Variants in RSRC1 observed in about 807,000 individuals in gnomAD.
RSRC1 encodes arginine and serine rich coiled-coil 1, also known as serine/Arginine-related protein 53.
Under a neutral mutation model 49.1 loss-of-function variants are expected in RSRC1, and 39 were observed. The ratio of observed to expected loss-of-function variants is 0.79; its 90% CI spans 0.61 to 1.04. The LOEUF (loss-of-function observed/expected upper bound fraction) is 1.04. Ranked by LOEUF, RSRC1 falls within the 50% of genes least tolerant of loss-of-function variation. The pLI is 0.00. For synonymous variants in RSRC1, 143 were observed against 130.8 expected (o/e 1.09, Z -0.63); for missense variants, 388 against 402.4 (o/e 0.96, Z 0.31).
rs548102794 is a variant in RSRC1, at chr3:158,505,900, T to G, written c.653-31192T>G. The stretch of plus-strand genomic sequence containing the variant: ...ATTTAACATGGCTGAAACCAAGTGA[T>G]TCATGTAGGAAAATGATGTGCACCA... On this transcript the variant is annotated intron_variant, in intron 7 of 9. Coordinates refer to ENST00000611884, the MANE Select transcript of RSRC1 (RefSeq NM_001271838.2). Among the ~76,000 whole-genome samples, 112 of 152,252 alleles carry G rather than the reference T, an allele frequency of 7.4e-4. 1 individual carries two copies. The highest frequency in any genetic ancestry group is 6.8e-3 in the Middle Eastern group (2 of 294).
intron 5 of RSRC1, among the ~76,000 whole-genome samples, chr3:158,329,498 T>A (rs574481002): frequency 2.6e-4 from 40 of 152,332 alleles, no homozygotes; most frequent in Non-Finnish European, 5.0e-4. Context: ...TTGCTGGAGG[T>A]CCACTCCAGC....
chr3:158,307,695 T>C (rs1456978155), intron 5 of RSRC1, among the ~76,000 whole-genome samples: 1 of 151,882 alleles, frequency 6.6e-6, no homozygotes, highest in African/African-American at 2.4e-5. Flanking sequence ...AATTTCATTT[T>C]TGCCCTTCCA....
intron 3 of RSRC1, among the ~76,000 whole-genome samples, chr3:158,183,361 G>A (rs1389267455): frequency 6.6e-6 from 1 of 151,086 alleles, no homozygotes; most frequent in Admixed American, 6.6e-5. Flanking sequence ...TTTTCCTTTA[G>A]TCAGTAGTAA....
At chr3:158,432,826 C>G (rs73877209) in intron 6 of RSRC1, among the ~76,000 whole-genome samples, 11,132 of 151,786 alleles carry the variant, frequency 0.073, 480 homozygotes, top group South Asian at 0.13. Context: ...TAGCCTTCAT[C>G]TTATGAATAA....
intron 5 of RSRC1, among the ~76,000 whole-genome samples, chr3:158,316,939 C>G (rs34436376): frequency 2.0e-5 from 3 of 152,024 alleles, no homozygotes; most frequent in Non-Finnish European, 4.4e-5. Context: ...TTATTTAGTG[C>G]AAATACCTTA....
intron 7 of RSRC1, among the ~76,000 whole-genome samples, chr3:158,527,301 C>T (rs1712101468): frequency 6.6e-6 from 1 of 151,592 alleles, no homozygotes. Flanking sequence ...AGTGGGTGGC[C>T]AGACATAAAA....
intron 3 of RSRC1, 33 bp from the exon 4 acceptor site, chr3:158,203,039 C>T: frequency 6.5e-7 from 1 of 1,530,346 alleles, no homozygotes; most frequent in South Asian, 1.2e-5. Context: ...AAATTATACA[C>T]TAAGTTTATT....
At chr3:158,456,574 A>G (rs374899156) in intron 6 of RSRC1, among the ~76,000 whole-genome samples, 16 of 152,338 alleles carry the variant, frequency 1.1e-4, no homozygotes, top group African/African-American at 3.4e-4. Context: ...TAAAGTACCT[A>G]TGGAAAAAAG....
At chr3:158,164,079 A>G (rs1359381718) in intron 3 of RSRC1, among the ~76,000 whole-genome samples, 1 of 152,186 alleles carries the variant, frequency 6.6e-6, no homozygotes, top group Non-Finnish European at 1.5e-5. Flanking sequence ...AGAAAAATTT[A>G]TCCTCAAAAT....
chr3:158,208,588 C>T (rs1399518641), intron 4 of RSRC1, among the ~76,000 whole-genome samples: 8 of 152,104 alleles, frequency 5.3e-5, no homozygotes, highest in Admixed American at 5.2e-4. Flanking sequence ...CCAGGCTGGC[C>T]TCAAACTCCT....
At chr3:158,265,041 C>T (rs1207333823) in intron 4 of RSRC1, among the ~76,000 whole-genome samples, 3 of 152,198 alleles carry the variant, frequency 2.0e-5, no homozygotes, top group Non-Finnish European at 4.4e-5. Context: ...CTTGTGAACT[C>T]TTAACTGCCT....
intron 3 of RSRC1, among the ~76,000 whole-genome samples, chr3:158,146,569 G>A (rs1314946111): frequency 6.6e-6 from 1 of 152,128 alleles, no homozygotes; most frequent in African/African-American, 2.4e-5. Context: ...ATGTACATCA[G>A]GGATATAGGT....
intron 6 of RSRC1, among the ~76,000 whole-genome samples, chr3:158,457,608 C>T (rs1737398415): frequency 6.6e-6 from 1 of 152,074 alleles, no homozygotes; most frequent in South Asian, 2.1e-4. Flanking sequence ...CAAGAAGGCA[C>T]AGGTGAGCAA....
At chr3:158,461,081 A>G (rs1427889305) in intron 7 of RSRC1, 78 bp downstream of exon 7, 2 of 1,020,348 alleles carry the variant, frequency 2.0e-6, no homozygotes, top group Non-Finnish European at 2.9e-6. Flanking sequence ...AATATAATCT[A>G]ATGCCTTAAG....
intron 3 of RSRC1, among the ~76,000 whole-genome samples, chr3:158,166,118 A>G (rs1343089193): frequency 6.6e-6 from 1 of 152,200 alleles, no homozygotes; most frequent in African/African-American, 2.4e-5. Flanking sequence ...ACAAGGACAC[A>G]TGATAACAGG....
At chr3:158,402,145 C>T (rs528282282) in intron 6 of RSRC1, among the ~76,000 whole-genome samples, 90 of 151,974 alleles carry the variant, frequency 5.9e-4, no homozygotes, top group Non-Finnish European at 1.1e-3. Flanking sequence ...GTAATTATAG[C>T]TAGAGTTTAA....
intron 4 of RSRC1, among the ~76,000 whole-genome samples, chr3:158,270,117 C>G (rs937594862): frequency 6.6e-6 from 1 of 152,104 alleles, no homozygotes; most frequent in Non-Finnish European, 1.5e-5. Flanking sequence ...TTGTGACTCT[C>G]GGTAAAGCTT....
At chr3:158,349,589 T>C (rs1478480661) in intron 5 of RSRC1, among the ~76,000 whole-genome samples, 1 of 152,116 alleles carries the variant, frequency 6.6e-6, no homozygotes, top group Non-Finnish European at 1.5e-5. Context: ...AAAATTATGG[T>C]ACAGTATCTG....
chr3:158,204,140 A>G (rs1721223297), intron 4 of RSRC1, among the ~76,000 whole-genome samples: 1 of 152,318 alleles, frequency 6.6e-6, no homozygotes, highest in East Asian at 1.9e-4. Flanking sequence ...AGGATTGCAC[A>G]TATAGTATCC....
Sources: allele counts gnomAD v4.1 joint callset (sites outside exome capture counted in the v4.1 genomes callset), GRCh38; gene constraint gnomAD v4.1.1; transcripts MANE v1.5; gene names NCBI Gene and HGNC (gene_info 2026-07-23, HGNC 2026-07-21).